Variants in CTNNA2 observed in about 807,000 individuals in gnomAD.
CTNNA2 encodes the protein catenin alpha 2.
A neutral mutation model predicts 101.0 loss-of-function variants in CTNNA2; 42 were observed. The observed-to-expected ratio is 0.42, with a 90% CI of 0.32 to 0.54. The LOEUF (loss-of-function observed/expected upper bound fraction) is 0.54. CTNNA2 is among the 20% of genes least tolerant of loss of function. CTNNA2 has a pLI of 0.14. For synonymous variants in CTNNA2, 450 were observed against 456.4 expected (o/e 0.99, Z 0.18); for missense variants, 871 against 1,223.1 (o/e 0.71, Z 4.29).
chr2:79,286,277 G>T, intron 2 of CTNNA2, among the ~76,000 whole-genome samples: 2 of 152,134 alleles, frequency 1.3e-5, no homozygotes. Context: ...ATTGTTATGT[G>T]TGAATTTGAT....
At chr2:80,011,886 C>A (rs1461198658) in intron 7 of CTNNA2, among the ~76,000 whole-genome samples, 2 of 152,056 alleles carry the variant, frequency 1.3e-5, no homozygotes, top group Non-Finnish European at 2.9e-5. Context: ...ATTATCTTTA[C>A]CTGTTTTTTG....
At chr2:80,530,914 C>T (rs933055179) in intron 9 of CTNNA2, among the ~76,000 whole-genome samples, 1 of 152,120 alleles carries the variant, frequency 6.6e-6, no homozygotes, top group African/African-American at 2.4e-5. Flanking sequence ...ATTAAAACTT[C>T]ATGAGAGAAC....
At chr2:80,461,863 T>C (rs1021996758) in intron 9 of CTNNA2, among the ~76,000 whole-genome samples, 1 of 152,126 alleles carries the variant, frequency 6.6e-6, no homozygotes, top group African/African-American at 2.4e-5. Context: ...TAATCAAAGA[T>C]ATATGCCCCA....
chr2:79,752,414 G>A (rs207461956), intron 3 of CTNNA2, among the ~76,000 whole-genome samples: 4 of 152,034 alleles, frequency 2.6e-5, no homozygotes, highest in Non-Finnish European at 5.9e-5. Context: ...AAAATGCTTT[G>A]GATTTAGCTA....
chr2:79,692,199 A>T (rs1222883478), intron 2 of CTNNA2, among the ~76,000 whole-genome samples: 1 of 152,166 alleles, frequency 6.6e-6, no homozygotes, highest in African/African-American at 2.4e-5. Context: ...CACATCAAAA[A>T]GTGGGTGAAG....
At chr2:79,414,467 C>G (rs921900707) in intron 4 of CTNNA2, among the ~76,000 whole-genome samples, 1 of 151,970 alleles carries the variant, frequency 6.6e-6, no homozygotes, top group Admixed American at 6.6e-5. Flanking sequence ...ATAATATATA[C>G]TATATCCCCC....
At chr2:79,674,828 G>A (rs1278371904) in intron 2 of CTNNA2, among the ~76,000 whole-genome samples, 2 of 152,140 alleles carry the variant, frequency 1.3e-5, no homozygotes, top group South Asian at 2.1e-4. Context: ...TTTTCCAAAA[G>A]TGCTTTGTTC....
intron 6 of CTNNA2, among the ~76,000 whole-genome samples, chr2:79,888,245 G>C (rs1447617281): frequency 6.6e-6 from 1 of 152,144 alleles, no homozygotes; most frequent in African/African-American, 2.4e-5. Flanking sequence ...GGCTGGTTCT[G>C]CTGGGTGCTT....
intron 11 of CTNNA2, among the ~76,000 whole-genome samples, chr2:80,553,219 G>C (rs34718813): frequency 8.6e-6 from 1 of 116,660 alleles, no homozygotes; most frequent in Non-Finnish European, 1.9e-5. Flanking sequence ...GGGAGACTCC[G>C]TCTCAAAAAA....
At position 80,332,499 on chromosome 2, in the gene CTNNA2, A is replaced by G. The variant is rs2149265027; in HGVS notation, c.1057-60712A>G. 1.3e-5 allele frequency among the ~76,000 whole-genome samples: 2 copies of G among 152,334 alleles called. 1 individual carries two copies. The highest frequency in any genetic ancestry group is 4.1e-4 in the South Asian group (2 of 4,832). On this transcript the variant is annotated intron_variant, in intron 7 of 18. Coordinates refer to ENST00000402739, the MANE Select transcript of CTNNA2 (RefSeq NM_001282597.3). ...GAGAAATCTCAGCATCCTCACTAAAAATGTCAAGCCCAGTAATGCTTCTGG... is the reference window on the plus strand; with the variant it reads ...GAGAAATCTCAGCATCCTCACTAAAGATGTCAAGCCCAGTAATGCTTCTGG...
At chr2:80,333,903 G>A (rs544285700) in intron 7 of CTNNA2, among the ~76,000 whole-genome samples, 36 of 152,118 alleles carry the variant, frequency 2.4e-4, no homozygotes, top group Non-Finnish European at 4.7e-4. Flanking sequence ...GATTATAGGC[G>A]CGAGCCACCA....
intron 12 of CTNNA2, among the ~76,000 whole-genome samples, chr2:80,561,810 G>A (rs1041833428): frequency 6.7e-5 from 10 of 148,686 alleles, no homozygotes; most frequent in South Asian, 2.1e-4. Flanking sequence ...ACAGGCGGTC[G>A]CCACCACGCC....
intron 4 of CTNNA2, among the ~76,000 whole-genome samples, chr2:79,485,704 C>A (rs1390005747): frequency 6.6e-6 from 1 of 152,146 alleles, no homozygotes; most frequent in African/African-American, 2.4e-5. Flanking sequence ...TGGACAATAT[C>A]AATGAAGTAG....
intron 2 of CTNNA2, among the ~76,000 whole-genome samples, chr2:79,692,799 C>T (rs1005563930): frequency 2.1e-5 from 3 of 144,664 alleles, no homozygotes; most frequent in South Asian, 2.2e-4. Flanking sequence ...CACATGTTCT[C>T]ACTCATAAGT....
At chr2:80,515,893 G>A (rs1420618466) in intron 9 of CTNNA2, among the ~76,000 whole-genome samples, 1 of 152,152 alleles carries the variant, frequency 6.6e-6, no homozygotes, top group African/African-American at 2.4e-5. Flanking sequence ...TTACAGATGG[G>A]ACAAAAACTT....
At chr2:80,454,008 A>G (rs1683748006) in intron 9 of CTNNA2, among the ~76,000 whole-genome samples, 1 of 152,112 alleles carries the variant, frequency 6.6e-6, no homozygotes, top group African/African-American at 2.4e-5. Flanking sequence ...TTATATTAAC[A>G]TGATGCTTGA....
At chr2:79,291,530 T>C (rs925573338) in intron 2 of CTNNA2, among the ~76,000 whole-genome samples, 2 of 152,350 alleles carry the variant, frequency 1.3e-5, no homozygotes, top group African/African-American at 4.8e-5. Context: ...TTCCTTTCTT[T>C]CATTTCCTCC....
intron 7 of CTNNA2, among the ~76,000 whole-genome samples, chr2:80,081,579 C>A (rs542290372): frequency 5.5e-5 from 8 of 145,206 alleles, no homozygotes; most frequent in Non-Finnish European, 9.0e-5. Flanking sequence ...TTCAGCTTTG[C>A]AAAAGACATG....
chr2:79,954,408 G>C (rs1162166442), intron 7 of CTNNA2, among the ~76,000 whole-genome samples: 2 of 152,122 alleles, frequency 1.3e-5, no homozygotes, highest in African/African-American at 2.4e-5. Flanking sequence ...CTGGACTGCA[G>C]ATCTCAAATC....
Sources: gnomAD v4.1 joint callset for allele counts (sites outside exome capture counted in the v4.1 genomes callset) on GRCh38, gnomAD v4.1.1 for gene constraint, MANE v1.5 for transcripts, NCBI Gene and HGNC (gene_info 2026-07-23, HGNC 2026-07-21) for gene names.